The following MAPK8IP3 variants were observed in gnomAD, a reference collection of about 807,000 sequenced individuals.
MAPK8IP3 encodes C-Jun-amino-terminal kinase-interacting protein 3.
MAPK8IP3 carries 49 observed loss-of-function variants against 157.8 expected under a neutral mutation model. That is an observed-to-expected ratio of 0.31 (90% CI 0.25 to 0.39). The LOEUF is 0.39. MAPK8IP3 is among the 10% of genes least tolerant of loss of function. The pLI, the probability that MAPK8IP3 is intolerant of heterozygous loss-of-function variation, is 1.00. For missense variants in MAPK8IP3, 1,478 were observed against 1,889.4 expected (o/e 0.78, Z 4.04); for synonymous variants, 897 against 777.7 (o/e 1.15, Z -2.55).
chr16:1,716,360 C>T (rs959746739), intron 1 of MAPK8IP3, among the ~76,000 whole-genome samples: 21 of 148,106 alleles, frequency 1.4e-4, no homozygotes, highest in African/African-American at 4.3e-4. Context: ...TGCAGTGGCG[C>T]GATCTCGGCT....
chr16:1,749,907 C>T (rs1160536090), intron 8 of MAPK8IP3, among the ~76,000 whole-genome samples: 1 of 152,126 alleles, frequency 6.6e-6, no homozygotes, highest in African/African-American at 2.4e-5. Context: ...GAAAGTGCCC[C>T]AGTAGAGGCC....
intron 8 of MAPK8IP3, among the ~76,000 whole-genome samples, chr16:1,753,700 C>T (rs567888952): frequency 1.3e-5 from 2 of 151,352 alleles, no homozygotes; most frequent in African/African-American, 4.8e-5. Flanking sequence ...CTCGGCCTCC[C>T]AAAGTGCTGG....
intron 1 of MAPK8IP3, among the ~76,000 whole-genome samples, chr16:1,709,038 G>T (rs985858030): frequency 7.2e-5 from 11 of 152,180 alleles, no homozygotes; most frequent in African/African-American, 2.7e-4. Context: ...GGAGCTCCTG[G>T]GTGAGCTGTC....
At chr16:1,730,711 CG>C (rs887328789) in intron 4 of MAPK8IP3, among the ~76,000 whole-genome samples, 2 of 152,004 alleles carry the variant, frequency 1.3e-5, no homozygotes, top group African/African-American at 4.8e-5. Context: ...GGTGTGGTGG[CG>C]GGCGCCTGTA....
intron 1 of MAPK8IP3, among the ~76,000 whole-genome samples, chr16:1,718,133 G>C (rs1277469498): frequency 6.6e-6 from 1 of 151,438 alleles, no homozygotes; most frequent in African/African-American, 2.4e-5. Context: ...GATTACAGGT[G>C]TGAGCCACCA....
Position 1,764,210 on chromosome 16 carries a change from G to A in MAPK8IP3, c.2121G>A (p.Lys707=), listed in dbSNP as rs1285884099. 5 of 1,610,472 alleles carry A rather than the reference G, an allele frequency of 3.1e-6. No individual in the cohort carries two copies. Among genetic ancestry groups the A allele is most frequent in the Non-Finnish European group, 2.5e-6 (3 of 1,178,822 alleles). Residue 707 remains lysine (K), a splice_region_variant and synonymous_variant, in exon 18 of 32, where the codon AAG becomes AAA. Coordinates refer to ENST00000610761, the MANE Select transcript of MAPK8IP3 (RefSeq NM_001318852.2). ...RPLVEKDPTM[K]LWCAAGVNLS... Reference sequence around the variant, plus strand: ...TGGTGGAGAAGGACCCCACCATGAAGGTGAGCCCGCGAGGACCCCGCTCAG... The same window carrying A: ...TGGTGGAGAAGGACCCCACCATGAAAGTGAGCCCGCGAGGACCCCGCTCAG...
In MAPK8IP3 at chr16:1,767,740, G is replaced by T; in HGVS notation, c.3409+5G>T. The T allele has an allele frequency of 6.2e-7, 1 of 1,612,546 alleles. No individual in the cohort carries two copies. Among genetic ancestry groups the T allele is most frequent in the Non-Finnish European group, 8.5e-7 (1 of 1,179,886 alleles). The stretch of plus-strand genomic sequence containing the variant: ...CCTACGTCAGCAAGATGCTAGGTGA[G>T]GGGCCACGCCAGATGGGGTGGTGGG... On this transcript the variant is annotated splice_donor_5th_base_variant and intron_variant, in intron 27 of 31. Coordinates refer to ENST00000610761, the MANE Select transcript of MAPK8IP3 (RefSeq NM_001318852.2).
chr16:1,743,469 G>A lies in MAPK8IP3; in HGVS notation c.740G>A (p.Ser247Asn). 1 of 1,609,660 alleles carries A rather than the reference G, an allele frequency of 6.2e-7. No homozygotes were observed. Among genetic ancestry groups the A allele is most frequent in the Non-Finnish European group, 8.5e-7 (1 of 1,178,924 alleles). The change falls in exon 5 of 32, where the codon AGC (serine) becomes AAC (asparagine). Residue 247 changes from serine to asparagine, a missense_variant. This residue lies in a region of MAPK8IP3 where 315 missense variants were observed against 394.4 expected (regional missense o/e 0.80). Transcript: ENST00000610761. The surrounding 1 kb of genome is among the most constrained non-coding windows in gnomAD (Gnocchi z 5.6). ...CTCGGCCAGCTGCAGTCCAGCTCCA[G>A]CTACCAGGTTTTGTAGCCGTGCCGT... Reference protein sequence around the residue: ...SDLGQLQSSSSYQCPQDEMSE... With the variant: ...SDLGQLQSSSNYQCPQDEMSE...
intron 16 of MAPK8IP3, 53 bp from the exon 17 acceptor site, chr16:1,763,604 T>C: frequency 6.9e-7 from 1 of 1,455,226 alleles, no homozygotes; most frequent in Non-Finnish European, 9.1e-7. Context: ...CCTGGGGCAC[T>C]GTGGGGGCCG....
chr16:1,736,200 AT>A (rs2039787991), intron 4 of MAPK8IP3, among the ~76,000 whole-genome samples: 1 of 52,248 alleles, frequency 1.9e-5, no homozygotes, highest in Admixed American at 3.0e-4. Context: ...CCGTGTGAGC[AT>A]GTGTGACCAT....
At chr16:1,725,487 C>T (rs2038817718) in intron 2 of MAPK8IP3, among the ~76,000 whole-genome samples, 1 of 151,536 alleles carries the variant, frequency 6.6e-6, no homozygotes, top group Non-Finnish European at 1.5e-5. Flanking sequence ...ATTACCCGGG[C>T]ATGGTGGCGG....
rs375325831 is a variant in MAPK8IP3 at position 1,766,564 on chromosome 16, G to C, written c.2855G>C (p.Arg952Pro). 20 of 1,612,278 alleles carry C rather than the reference G, an allele frequency of 1.2e-5. No individual in the cohort carries two copies. Among genetic ancestry groups the C allele is most frequent in the Non-Finnish European group, 1.5e-5 (18 of 1,179,870 alleles). ...NGPEPDSSST[R>P]PEPEPSGDPT... is the part of the protein sequence containing the mutation. ...CCAGAGCCTGACAGCAGCAGCACACGGCCAGAGCCAGAGCCCAGCGGGGAC... is the reference window on the plus strand; with the variant it reads ...CCAGAGCCTGACAGCAGCAGCACACCGCCAGAGCCAGAGCCCAGCGGGGAC... Residue 952 changes from arginine to proline, a missense_variant, in exon 23 of 32, where the codon CGG (arginine) becomes CCG (proline). Arg to Pro is a moderately radical substitution (Grantham distance 103, BLOSUM62 -2). Transcript: ENST00000610761.
intron 29 of MAPK8IP3, 25 bp downstream of exon 29, chr16:1,768,132 C>T (rs533517629): frequency 2.5e-6 from 4 of 1,612,122 alleles, no homozygotes; most frequent in African/African-American, 2.7e-5. Context: ...CTCGTGTCCC[C>T]TCACGGGAGC....
intron 8 of MAPK8IP3, 156 bp downstream of exon 8, chr16:1,748,876 T>C (rs201214225): frequency 2.9e-4 from 220 of 768,990 alleles, no homozygotes; most frequent in Non-Finnish European, 4.0e-4. Context: ...CATGGAATTG[T>C]CCCTCCATCT....
chr16:1,716,006 C>T (rs756367937), intron 1 of MAPK8IP3, among the ~76,000 whole-genome samples: 23 of 151,896 alleles, frequency 1.5e-4, no homozygotes, highest in Non-Finnish European at 2.8e-4. Context: ...GGATTTCAGG[C>T]GGGAGCCACT....
Position 1,769,009 on chromosome 16 carries a change from A to AG in MAPK8IP3, c.*189dup. 1.5e-6 allele frequency: 1 copy of AG among 672,060 alleles called. No individual in the cohort carries two copies. The highest frequency in any genetic ancestry group is 1.9e-5 in the South Asian group (1 of 52,432). 41.6% of individuals were successfully genotyped at this position (672,060 alleles called of 1,614,324 possible). On this transcript the variant is annotated 3_prime_UTR_variant, in exon 32 of 32. Coordinates refer to ENST00000610761, the MANE Select transcript of MAPK8IP3 (RefSeq NM_001318852.2). ...GGGATGCGGATCAGCTGGGAGGAGG[A>AG]GGGGAGGGGAACTTCCACCCGAGGG...
chr16:1,761,157 G>GTTCCCACA, intron 12 of MAPK8IP3, 67 bp from the exon 13 acceptor site: 1 of 1,309,746 alleles, frequency 7.6e-7, no homozygotes, highest in Non-Finnish European at 1.1e-6. Flanking sequence ...GGCGGGCACT[G>GTTCCCACA]CCCGCTATGT....
intron 4 of MAPK8IP3, among the ~76,000 whole-genome samples, chr16:1,738,184 C>CGG (rs2040202666): frequency 3.3e-5 from 2 of 60,276 alleles, no homozygotes; most frequent in Admixed American, 2.3e-4. Flanking sequence ...GTGTGAGCGT[C>CGG]CGTGAGCGTG....
At chr16:1,749,121 CTG>C (rs1321348960) in intron 8 of MAPK8IP3, among the ~76,000 whole-genome samples, 2 of 152,340 alleles carry the variant, frequency 1.3e-5, no homozygotes, top group South Asian at 2.1e-4. Context: ...TGTACATTTT[CTG>C]TGAGGCTGGT....
Sources: allele counts gnomAD v4.1 joint callset (sites outside exome capture counted in the v4.1 genomes callset), GRCh38; gene constraint gnomAD v4.1.1; regional missense constraint gnomAD v4.1.1; non-coding constraint Gnocchi (gnomAD v3.1); transcripts MANE v1.5; gene names NCBI Gene and HGNC (gene_info 2026-07-23, HGNC 2026-07-21).